The following NALF1 variants were observed in gnomAD, a reference collection of about 807,000 sequenced individuals.
The protein encoded by NALF1 is family with sequence similarity 155 member A.
In NALF1, 3 loss-of-function variants were observed where a neutral mutation model predicts 48.4. The observed-to-expected ratio is 0.06, with a 90% CI of 0.03 to 0.16. NALF1 has a LOEUF of 0.16. Ranked by LOEUF, NALF1 falls within the 10% of genes least tolerant of loss-of-function variation. The pLI is 1.00. For missense variants in NALF1, 526 were observed against 571.5 expected, an observed-to-expected ratio of 0.92 and a Z score of 0.81; for synonymous variants, 262 against 245.7, an observed-to-expected ratio of 1.07 and a Z score of -0.62.
At chr13:107,476,012 T>C (rs934337654) in intron 1 of NALF1, among the ~76,000 whole-genome samples, 1 of 152,188 alleles carries the variant, frequency 6.6e-6, no homozygotes, top group African/African-American at 2.4e-5. Flanking sequence ...ACAGATTCAT[T>C]GAGAAGAAGA....
At chr13:107,637,436 A>G (rs1232940950) in intron 1 of NALF1, among the ~76,000 whole-genome samples, 5 of 152,158 alleles carry the variant, frequency 3.3e-5, no homozygotes, top group Middle Eastern at 3.2e-3. Context: ...TCCAAAAAGA[A>G]AAGCCTTCTC....
chr13:107,422,228 A>T (rs1884200835), intron 1 of NALF1, among the ~76,000 whole-genome samples: 1 of 152,106 alleles, frequency 6.6e-6, no homozygotes, highest in South Asian at 2.1e-4. Flanking sequence ...CCCTGTTAGG[A>T]GTTTACTATT....
At chr13:107,276,020 G>A (rs1305442439) in intron 1 of NALF1, among the ~76,000 whole-genome samples, 1 of 152,068 alleles carries the variant, frequency 6.6e-6, no homozygotes, top group Non-Finnish European at 1.5e-5. Context: ...CTTTCCATAG[G>A]GCTGATCCCA....
At position 107,170,709 on chromosome 13, in the gene NALF1, A is replaced by T; in HGVS notation, c.1165T>A (p.Ser389Thr). Residue 389 changes from serine to threonine, a missense_variant, in exon 3 of 3, where the codon TCC (serine) becomes ACC (threonine). This residue lies in a region of NALF1 where 153 missense variants were observed against 215.9 expected (regional missense o/e 0.71). Coordinates refer to ENST00000375915, the MANE Select transcript of NALF1 (RefSeq NM_001080396.3). ...VRREEKSNNP[S>T]KGTVEKSGSC... ...CCACTTTTCTCTACGGTCCCTTTGG[A>T]TGGGTTATTTGATTTTTCTTCTCTC... 3.1e-6 allele frequency: 5 copies of T among 1,614,076 alleles called. No homozygotes were observed. Among genetic ancestry groups the T allele is most frequent in the Non-Finnish European group, 3.4e-6 (4 of 1,180,028 alleles).
chr13:107,373,846 G>A (rs1414034990), intron 1 of NALF1, among the ~76,000 whole-genome samples: 1 of 152,040 alleles, frequency 6.6e-6, no homozygotes, highest in Admixed American at 6.5e-5. Flanking sequence ...CATGGGAGAA[G>A]GTCAAGATTA....
Position 107,754,403 on chromosome 13 carries a change from T to C in NALF1, c.915+111279A>G, listed in dbSNP as rs189327893. ...CACACACACACACACACACACCATA[T>C]ATGGAACCGCTGAACAATCTGAGCA... is the stretch of plus-strand genomic sequence containing the variant. On this transcript the variant is annotated intron_variant, in intron 1 of 2. Transcript: ENST00000375915. 4.3e-3 allele frequency among the ~76,000 whole-genome samples: 643 copies of C among 149,314 alleles called. 4 individuals are homozygous for C. The highest frequency in any genetic ancestry group is 7.2e-3 in the Non-Finnish European group (482 of 66,982).
Position 107,866,525 on chromosome 13 carries a change from C to T in NALF1, c.72G>A (p.Glu24=). The stretch of plus-strand genomic sequence containing the variant: ...CGGAATCGATGAACGGTTTCTCGTT[C>T]TCTCGGGGTGCTGCCAACCAGATTT... The part of the protein sequence containing the change: ...GLKIWLAAPR[E]NEKPFIDSER... Residue 24 remains glutamate (E), a synonymous_variant, in exon 1 of 3, where the codon GAG becomes GAA. Transcript: ENST00000375915. This position sits in a 1 kb window ranked among gnomAD's most constrained non-coding sequence, Gnocchi z 4.4. The T allele has an allele frequency of 3.1e-6, 5 of 1,613,874 alleles. No homozygotes were observed. The highest frequency in any genetic ancestry group is 4.2e-6 in the Non-Finnish European group (5 of 1,180,034).
chr13:107,698,754 T>C (rs1881752544), intron 1 of NALF1, among the ~76,000 whole-genome samples: 1 of 152,066 alleles, frequency 6.6e-6, no homozygotes, highest in Non-Finnish European at 1.5e-5. Flanking sequence ...CTGACCACTT[T>C]ATAGCTAAGT....
At chr13:107,623,419 A>T (rs1879581010) in intron 1 of NALF1, among the ~76,000 whole-genome samples, 1 of 151,598 alleles carries the variant, frequency 6.6e-6, no homozygotes, top group Non-Finnish European at 1.5e-5. Context: ...AATCATTTCC[A>T]GGCTTGGAAA....
intron 1 of NALF1, among the ~76,000 whole-genome samples, chr13:107,790,076 T>C (rs1326446887): frequency 6.6e-6 from 1 of 152,170 alleles, no homozygotes; most frequent in East Asian, 1.9e-4. Context: ...CCATCAAGAC[T>C]CATAGACCAT....
intron 1 of NALF1, among the ~76,000 whole-genome samples, chr13:107,536,934 C>T (rs1876839659): frequency 1.3e-5 from 2 of 152,130 alleles, no homozygotes; most frequent in African/African-American, 2.4e-5. Flanking sequence ...TTTGTAGGGA[C>T]ATGGATGAAG....
intron 1 of NALF1, among the ~76,000 whole-genome samples, chr13:107,588,576 G>A (rs2138415786): frequency 6.6e-6 from 1 of 152,232 alleles, no homozygotes; most frequent in South Asian, 2.1e-4. Flanking sequence ...GATGAAGGCT[G>A]TTTGGTGCCT....
Position 107,730,332 on chromosome 13 carries a change from C to G in NALF1, c.915+135350G>C, listed in dbSNP as rs1337977688. Among the ~76,000 whole-genome samples, 4 of 152,202 alleles carry G rather than the reference C, an allele frequency of 2.6e-5. No individual in the cohort carries two copies. In the East Asian group the frequency reaches 7.7e-4, roughly 29 times the overall value. ...AATCAATACTCTCCTGTCTAACAAC[C>G]TAGTCTTATCCTCTGTAATACAAAA... On this transcript the variant is annotated intron_variant, in intron 1 of 2. Transcript: ENST00000375915.
At chr13:107,424,356 T>G in intron 1 of NALF1, among the ~76,000 whole-genome samples, 1 of 152,084 alleles carries the variant, frequency 6.6e-6, no homozygotes, top group East Asian at 1.9e-4. Flanking sequence ...CAGGCTAGTC[T>G]TGAACTCCTG....
intron 1 of NALF1, among the ~76,000 whole-genome samples, chr13:107,500,868 C>T (rs559119844): frequency 5.9e-5 from 9 of 151,668 alleles, no homozygotes; most frequent in South Asian, 2.1e-4. Context: ...AAAACCAAAC[C>T]GCATATTCTC....
chr13:107,371,253 T>C (rs183818901), intron 1 of NALF1, among the ~76,000 whole-genome samples: 4 of 152,004 alleles, frequency 2.6e-5, no homozygotes, highest in Admixed American at 2.6e-4. Context: ...TTGGGACCAA[T>C]ACAGACAACA....
rs764264774 is a variant in NALF1, at chr13:107,549,845, A to AT, written c.915+315836dup. 1.2e-3 allele frequency among the ~76,000 whole-genome samples: 178 copies of AT among 147,126 alleles called. 1 individual carries two copies. The East Asian group carries it at 0.015, about 13-fold the overall frequency. The stretch of plus-strand genomic sequence containing the variant: ...ACTAACATTCTTTATGCAACTTTTC[A>AT]TTTTTTTTTTTCTGATACAGGATCC... On this transcript the variant is annotated intron_variant, in intron 1 of 2. Transcript: ENST00000375915.
intron 1 of NALF1, among the ~76,000 whole-genome samples, chr13:107,538,689 C>T (rs1239687058): frequency 2.6e-5 from 4 of 152,112 alleles, no homozygotes; most frequent in African/African-American, 9.7e-5. Flanking sequence ...TCATTGGAAT[C>T]AGACCTCAGT....
intron 1 of NALF1, among the ~76,000 whole-genome samples, chr13:107,664,434 G>A (rs1019979585): frequency 1.3e-5 from 2 of 152,068 alleles, no homozygotes; most frequent in African/African-American, 4.8e-5. Flanking sequence ...ACAGTGTCAA[G>A]TAAGACAGGT....
Sources: gnomAD v4.1 joint callset for allele counts (sites outside exome capture counted in the v4.1 genomes callset) on GRCh38, gnomAD v4.1.1 for gene constraint, gnomAD v4.1.1 regional missense constraint, Gnocchi (gnomAD v3.1) non-coding constraint, MANE v1.5 for transcripts, NCBI Gene and HGNC (gene_info 2026-07-23, HGNC 2026-07-21) for gene names.